KDM6A: variants seen among roughly 807,000 people sequenced by gnomAD.
KDM6A encodes the protein lysine demethylase 6A.
KDM6A carries 11 observed loss-of-function variants against 117.6 expected under a neutral mutation model. The observed-to-expected ratio is 0.09, with a 90% confidence interval of 0.06 to 0.15. The LOEUF is 0.15. KDM6A is among the 10% of genes least tolerant of loss of function. The pLI is 1.00. For missense variants in KDM6A, 799 were observed against 1,077.3 expected, an observed-to-expected ratio of 0.74 and a Z score of 3.62; for synonymous variants, 384 against 396.1, an observed-to-expected ratio of 0.97 and a Z score of 0.36.
At chrX:44,998,942 A>G (rs1346469225) in intron 4 of KDM6A, among the ~76,000 whole-genome samples, 1 of 111,928 alleles carries the variant, frequency 8.9e-6, no homozygotes, top group African/African-American at 3.2e-5. Flanking sequence ...ATATGTTCCA[A>G]GACCCGCAGT....
intron 8 of KDM6A, among the ~76,000 whole-genome samples, chrX:45,044,852 T>G (rs1318851133): frequency 8.9e-6 from 1 of 111,781 alleles, no homozygotes; most frequent in Non-Finnish European, 1.9e-5. Flanking sequence ...TGTTTCATTT[T>G]TAACACTTTT....
chrX:44,880,401 T>G (rs966501133), intron 2 of KDM6A, among the ~76,000 whole-genome samples: 7 of 109,189 alleles, frequency 6.4e-5, no homozygotes, highest in Non-Finnish European at 9.5e-5. Flanking sequence ...AAGACACTTT[T>G]GGGGTGAGAA....
intron 2 of KDM6A, among the ~76,000 whole-genome samples, chrX:44,909,046 A>G (rs776811551): frequency 2.7e-5 from 3 of 112,227 alleles, no homozygotes; most frequent in Non-Finnish European, 5.6e-5. Context: ...ACCTCAAATC[A>G]GGAAGTGGAA....
At chrX:45,096,311 G>T (rs760274595) in intron 27 of KDM6A, among the ~76,000 whole-genome samples, 1 of 111,294 alleles carries the variant, frequency 9.0e-6, no homozygotes, top group Non-Finnish European at 1.9e-5. Flanking sequence ...CTTCTCATCC[G>T]CTCCCTCCCT....
At chrX:44,888,080 G>A (rs944758887) in intron 2 of KDM6A, among the ~76,000 whole-genome samples, 1 of 111,419 alleles carries the variant, frequency 9.0e-6, no homozygotes, top group African/African-American at 3.3e-5. Context: ...GCTGAGGCGG[G>A]TGGATCATGA....
chrX:45,073,201 C>T (rs1290427597), intron 18 of KDM6A, among the ~76,000 whole-genome samples: 2 of 111,531 alleles, frequency 1.8e-5, no homozygotes, highest in African/African-American at 3.3e-5. Context: ...AGGACATGAA[C>T]TCATCCTTTT....
intron 2 of KDM6A, among the ~76,000 whole-genome samples, chrX:44,925,853 G>A (rs1362476195): frequency 8.9e-6 from 1 of 111,882 alleles, no homozygotes; most frequent in Non-Finnish European, 1.9e-5. Context: ...ACAACAAACA[G>A]GGTTTCATGG....
intron 2 of KDM6A, among the ~76,000 whole-genome samples, chrX:44,901,784 T>C (rs1485343484): frequency 8.9e-6 from 1 of 112,543 alleles, no homozygotes; most frequent in Non-Finnish European, 1.9e-5. Flanking sequence ...TCAAAGTTCA[T>C]TTTGTATGAT....
intron 2 of KDM6A, among the ~76,000 whole-genome samples, chrX:44,921,603 TCTC>T (rs2035941487): frequency 9.0e-6 from 1 of 111,470 alleles, no homozygotes; most frequent in African/African-American, 3.3e-5. Flanking sequence ...GGTGGCATAG[TCTC>T]CTTGTTGTTC....
chrX:44,966,869 CT>C lies in KDM6A; in HGVS notation c.334+5495del, dbSNP rs1228583337. 4.1e-3 allele frequency among the ~76,000 whole-genome samples: 368 copies of C among 88,905 alleles called. 2 individuals carry two copies. The highest frequency in any genetic ancestry group is 0.013 in the African/African-American group (275 of 21,788). The allele number at this position is 88,905 out of a possible 115,157, so 77.2% of individuals were successfully genotyped here. On this transcript the variant is annotated intron_variant, in intron 3 of 29. Transcript: ENST00000611820. ...CTTAAAATAAATTCTCTCTCTCTCT[CT>C]TTTTTTTTTTTTTTTTTGAGACAGA...
At chrX:44,987,150 C>A (rs1380238110) in intron 4 of KDM6A, among the ~76,000 whole-genome samples, 1 of 111,824 alleles carries the variant, frequency 8.9e-6, no homozygotes. Flanking sequence ...GAATTGATCG[C>A]TTTACCATTA....
intron 4 of KDM6A, among the ~76,000 whole-genome samples, chrX:44,990,875 G>A (rs1018803532): frequency 1.8e-4 from 20 of 111,608 alleles, no homozygotes; most frequent in African/African-American, 6.5e-4. Context: ...TGTTTCTTCT[G>A]TTATCAGTAT....
chrX:45,106,829 A>G (rs1414827749), intron 27 of KDM6A: 3 of 243,197 alleles, frequency 1.2e-5, no homozygotes, highest in Non-Finnish European at 2.3e-5. Context: ...TCAAGATAAA[A>G]TGAAGACATA....
chrX:44,924,648 G>GGTGTGTGTGT (rs112587323), intron 2 of KDM6A, among the ~76,000 whole-genome samples: 40 of 90,451 alleles, frequency 4.4e-4, no homozygotes, highest in East Asian at 1.1e-3. Context: ...GGTGGTCCTG[G>GGTGTGTGTGT]GTGTGTGTGT....
At chrX:44,996,155 C>T (rs1198483387) in intron 4 of KDM6A, among the ~76,000 whole-genome samples, 1 of 110,562 alleles carries the variant, frequency 9.0e-6, no homozygotes, top group African/African-American at 3.3e-5. Context: ...TAGCGCACTG[C>T]AGCCTTGAAC....
At chrX:44,941,164 A>T (rs1298678948) in intron 2 of KDM6A, among the ~76,000 whole-genome samples, 1 of 112,622 alleles carries the variant, frequency 8.9e-6, no homozygotes, top group Admixed American at 9.4e-5. Context: ...ACAAGGTGGT[A>T]TGATTACTGT....
chrX:44,969,712 G>A (rs7882114), intron 3 of KDM6A, among the ~76,000 whole-genome samples: 18,935 of 110,584 alleles, frequency 0.17, 2,303 homozygotes, highest in African/African-American at 0.44. Context: ...CACTGCGCCC[G>A]GCCCTCTCTT....
At chrX:45,033,010 A>ATT (rs1395127773) in intron 6 of KDM6A, among the ~76,000 whole-genome samples, 1 of 112,262 alleles carries the variant, frequency 8.9e-6, no homozygotes, top group East Asian at 2.8e-4. Context: ...TTTCAGTGAA[A>ATT]TAGTAAAACT....
Position 44,996,339 on chromosome X carries a change from C to CT in KDM6A, c.385-14622_385-14621insT, listed in dbSNP as rs1205232298. ...ATCCTCTCACATTGGCCTCCCAAAG[C>CT]GGTGGGATTACAGGTGTGAGCCACT... On this transcript the variant is annotated intron_variant, in intron 4 of 29. Transcript: ENST00000611820. 4.6e-5 allele frequency among the ~76,000 whole-genome samples: 5 copies of CT among 109,591 alleles called. No homozygotes were observed. The East Asian group carries it at 1.5e-3, about 32-fold the overall frequency.
Sources: allele counts gnomAD v4.1 joint callset (sites outside exome capture counted in the v4.1 genomes callset), GRCh38; gene constraint gnomAD v4.1.1; transcripts MANE v1.5; gene names NCBI Gene and HGNC (gene_info 2026-07-23, HGNC 2026-07-21).